PPP2R2B: variants seen among roughly 807,000 people sequenced by gnomAD.
PPP2R2B encodes serine/threonine-protein phosphatase 2A 55 kDa regulatory subunit B beta isoform.
In PPP2R2B, 5 loss-of-function variants were observed where a neutral mutation model predicts 46.0. The ratio of observed to expected loss-of-function variants is 0.11; its 90% CI spans 0.06 to 0.23. The LOEUF (loss-of-function observed/expected upper bound fraction) is 0.23. PPP2R2B is among the 10% of genes least tolerant of loss of function. The pLI, the probability that PPP2R2B is intolerant of heterozygous loss-of-function variation, is 1.00. For synonymous variants in PPP2R2B, 215 were observed against 206.7 expected, an observed-to-expected ratio of 1.04 and a Z score of -0.34; for missense variants, 367 against 575.0, an observed-to-expected ratio of 0.64 and a Z score of 3.70.
intron 1 of PPP2R2B, among the ~76,000 whole-genome samples, chr5:146,984,329 G>T (rs1410802482): frequency 1.3e-5 from 2 of 152,128 alleles, no homozygotes; most frequent in Non-Finnish European, 2.9e-5. Context: ...CCACATGTAA[G>T]TGAGAACATG....
chr5:146,761,590 A>G (rs1034594584), intron 2 of PPP2R2B, among the ~76,000 whole-genome samples: 3 of 152,156 alleles, frequency 2.0e-5, no homozygotes, highest in African/African-American at 7.2e-5. Context: ...CACGTTGTGC[A>G]CATGTACCCT....
At chr5:146,769,942 A>T (rs1456131658) in intron 2 of PPP2R2B, among the ~76,000 whole-genome samples, 3 of 152,200 alleles carry the variant, frequency 2.0e-5, no homozygotes, top group East Asian at 3.8e-4. Context: ...TTCTAAAAAA[A>T]ACCCAGGGAT....
chr5:146,860,672 T>C (rs2151392208), intron 2 of PPP2R2B, among the ~76,000 whole-genome samples: 1 of 152,246 alleles, frequency 6.6e-6, no homozygotes. Flanking sequence ...TCCTTCAGGG[T>C]AATTAAAACC....
At chr5:147,064,706 T>TTA (rs1173002081) in intron 2 of PPP2R2B, among the ~76,000 whole-genome samples, 8 of 152,246 alleles carry the variant, frequency 5.3e-5, no homozygotes, top group Admixed American at 6.5e-5. Context: ...TTTGTAAATG[T>TTA]GTTTTGAAAA....
intron 5 of PPP2R2B, among the ~76,000 whole-genome samples, chr5:146,670,476 ATTATTTATTTAT>A (rs58516893): frequency 4.4e-4 from 64 of 144,262 alleles, no homozygotes; most frequent in Admixed American, 1.5e-3. Flanking sequence ...TATGTGTACT[ATTATTTATTTAT>A]TTATTTATTT....
At chr5:146,906,564 C>T (rs1011891296) in intron 1 of PPP2R2B, among the ~76,000 whole-genome samples, 1 of 152,172 alleles carries the variant, frequency 6.6e-6, no homozygotes, top group Non-Finnish European at 1.5e-5. Context: ...TCAGGTGATC[C>T]GCCTGCCTCG....
At chr5:146,700,416 C>G (rs895885541) in intron 3 of PPP2R2B, among the ~76,000 whole-genome samples, 3 of 152,118 alleles carry the variant, frequency 2.0e-5, no homozygotes, top group African/African-American at 7.2e-5. Flanking sequence ...CTAGTGAAAC[C>G]CATGTCTCAG....
At chr5:146,619,301 C>CAA (rs1773478206) in intron 7 of PPP2R2B, among the ~76,000 whole-genome samples, 1 of 120,784 alleles carries the variant, frequency 8.3e-6, no homozygotes, top group African/African-American at 3.8e-5. Context: ...CCCGTCTCTA[C>CAA]TAAAAAAAAA....
intron 1 of PPP2R2B, among the ~76,000 whole-genome samples, chr5:146,969,908 A>T (rs1165046329): frequency 6.6e-6 from 1 of 152,220 alleles, no homozygotes; most frequent in Non-Finnish European, 1.5e-5. Flanking sequence ...GATATCCACG[A>T]AGCAGTTGAA....
intron 7 of PPP2R2B, among the ~76,000 whole-genome samples, chr5:146,619,749 G>A (rs1184604208): frequency 6.6e-6 from 1 of 152,142 alleles, no homozygotes; most frequent in African/African-American, 2.4e-5. Flanking sequence ...GCTGGGGCTG[G>A]ATCCATGCTC....
intron 2 of PPP2R2B, among the ~76,000 whole-genome samples, chr5:146,755,787 G>A (rs1001118807): frequency 2.6e-5 from 4 of 152,154 alleles, no homozygotes; most frequent in South Asian, 2.1e-4. Context: ...TTTCAACTTC[G>A]AGCCTGGGGG....
rs752485270 is a variant in PPP2R2B, at chr5:146,586,654, G to A, written c.*3293C>T. The A allele has an allele frequency of 6.6e-6, 1 of 152,054 alleles. No individual in the cohort carries two copies. The highest frequency in any genetic ancestry group is 1.5e-5 in the Non-Finnish European group (1 of 68,000). The allele number at this position is 152,054 out of a possible 1,614,324, so 9.4% of individuals were successfully genotyped here. On this transcript the variant is annotated 3_prime_UTR_variant, in exon 10 of 10. Transcript: ENST00000394411. ...CTTGCAATTGTTCCATCTTATATAT[G>A]CTGGTTGCCTAATAGAAGTTGATTT...
intron 2 of PPP2R2B, among the ~76,000 whole-genome samples, chr5:147,069,243 G>A (rs193225413): frequency 2.0e-5 from 3 of 152,204 alleles, no homozygotes; most frequent in African/African-American, 7.2e-5. Flanking sequence ...TGAGAGGTGA[G>A]GTATGAAGAG....
chr5:147,063,888 G>A (rs1757343174), intron 2 of PPP2R2B, among the ~76,000 whole-genome samples: 1 of 152,324 alleles, frequency 6.6e-6, no homozygotes, highest in South Asian at 2.1e-4. Flanking sequence ...AGGCATTTGA[G>A]TAAGTGGTTT....
intron 7 of PPP2R2B, among the ~76,000 whole-genome samples, chr5:146,623,702 A>G (rs1773855373): frequency 6.6e-6 from 1 of 152,222 alleles, no homozygotes; most frequent in South Asian, 2.1e-4. Flanking sequence ...CTCAGGTTAA[A>G]AAGAGAAGAT....
At chr5:147,080,957 G>T in intron 2 of PPP2R2B, 2 of 1,113,096 alleles carry the variant, frequency 1.8e-6, no homozygotes, top group Non-Finnish European at 2.6e-6. Context: ...TTTGGGGTGT[G>T]TGGGGACTTA....
upstream of PPP2R2B, among the ~76,000 whole-genome samples, chr5:147,060,256 G>C (rs1436293896): frequency 6.6e-6 from 1 of 152,120 alleles, no homozygotes; most frequent in Non-Finnish European, 1.5e-5. Flanking sequence ...TCATTATTGA[G>C]CATATTTATT....
At chr5:146,830,145 G>A (rs1212122165) in intron 2 of PPP2R2B, among the ~76,000 whole-genome samples, 1 of 152,106 alleles carries the variant, frequency 6.6e-6, no homozygotes, top group Non-Finnish European at 1.5e-5. Flanking sequence ...ACTGCTATAT[G>A]TAAAGTGCTT....
chr5:146,820,822 A>T (rs186134676), intron 2 of PPP2R2B, among the ~76,000 whole-genome samples: 3 of 152,270 alleles, frequency 2.0e-5, no homozygotes, highest in Admixed American at 6.5e-5. Flanking sequence ...CAAATTGCCA[A>T]CCTAGAGACA....
Sources: allele counts gnomAD v4.1 joint callset (sites outside exome capture counted in the v4.1 genomes callset), GRCh38; gene constraint gnomAD v4.1.1; transcripts MANE v1.5; gene names NCBI Gene and HGNC (gene_info 2026-07-23, HGNC 2026-07-21).